DST: variants seen among roughly 807,000 people sequenced by gnomAD.
DST encodes dystonin, also known as bullous pemphigoid antigen.
DST carries 253 observed loss-of-function variants against 875.2 expected under a neutral mutation model. The observed-to-expected ratio is 0.29, with a 90% CI of 0.26 to 0.32. DST has a LOEUF of 0.32. Among genes scored for constraint, DST ranks in the 10% least tolerant of loss-of-function variants. The pLI, the probability that DST is intolerant of heterozygous loss-of-function variation, is 1.00. For missense variants in DST, 8,287 were observed against 9,111.6 expected (o/e 0.91, Z 3.68); for synonymous variants, 3,124 against 3,197.1 (o/e 0.98, Z 0.77).
chr6:56,508,669 C>T lies in DST; in HGVS notation c.19099G>A (p.Val6367Met), dbSNP rs1161189239. 1.2e-6 allele frequency: 2 copies of T among 1,613,882 alleles called. No individual in the cohort carries two copies. Among genetic ancestry groups the T allele is most frequent in the Admixed American group, 1.7e-5 (1 of 60,020 alleles). The change falls in exon 75 of 104, where the codon GTG becomes ATG. Residue 6367 changes from valine to methionine, a missense_variant. By Grantham distance (21) the Val-to-Met change is conservative. This residue lies in a region of DST where 1,292 missense variants were observed against 1,552.7 expected (regional missense o/e 0.83). Coordinates refer to ENST00000680361, the MANE Select transcript of DST (RefSeq NM_001374736.1). ...CAGAACTTTTCTGCTAGCTCCATCA[C>T]ATCCAGTAGTTTGGCTTCCCTCTCT... is the stretch of plus-strand genomic sequence containing the variant. ...VEEREAKLLD[V>M]MELAEKFWCD...
At chr6:56,489,456 T>C in intron 86 of DST, 34 bp downstream of exon 86, 3 of 1,592,790 alleles carry the variant, frequency 1.9e-6, no homozygotes, top group Non-Finnish European at 2.6e-6. Flanking sequence ...AACTATATAA[T>C]GAGACAATAT....
rs7760099 is a variant in DST, at chr6:56,617,838, G to C, written c.4930-3354C>G. On this transcript the variant is annotated intron_variant, in intron 36 of 103. Transcript: ENST00000680361. ...TGATAAAGATTCAAGTAAGTTACCA[G>C]AAAGAGTATAGCATTATTTTCCTGT... is the stretch of plus-strand genomic sequence containing the variant. 0.011 allele frequency: 7,481 copies of C among 688,782 alleles called. 316 individuals carry two copies. Among genetic ancestry groups the C allele is most frequent in the African/African-American group, 0.1 (5,723 of 55,202 alleles). The allele number at this position is 688,782 out of a possible 1,614,324, so 42.7% of individuals were successfully genotyped here.
intron 4 of DST, among the ~76,000 whole-genome samples, chr6:56,805,040 AATC>A (rs1452198431): frequency 2.2e-4 from 34 of 152,146 alleles, no homozygotes; most frequent in Non-Finnish European, 2.1e-4. Context: ...ATATTCTACA[AATC>A]ATCATTTATT....
At chr6:56,797,245 G>A (rs1742796067) in intron 4 of DST, among the ~76,000 whole-genome samples, 1 of 152,100 alleles carries the variant, frequency 6.6e-6, no homozygotes, top group Non-Finnish European at 1.5e-5. Flanking sequence ...TGTGTGTTCT[G>A]ACTGTTCCAA....
At chr6:56,799,699 G>A (rs1479481170) in intron 4 of DST, among the ~76,000 whole-genome samples, 1 of 151,360 alleles carries the variant, frequency 6.6e-6, no homozygotes, top group Non-Finnish European at 1.5e-5. Flanking sequence ...CCAGCTCACT[G>A]CAACCTCCAC....
At chr6:56,774,578 T>C (rs993601708) in intron 4 of DST, among the ~76,000 whole-genome samples, 1 of 152,232 alleles carries the variant, frequency 6.6e-6, no homozygotes, top group African/African-American at 2.4e-5. Flanking sequence ...GACATTTATA[T>C]TGTTCACTAA....
intron 36 of DST, among the ~76,000 whole-genome samples, chr6:56,623,797 A>C (rs894948777): frequency 2.0e-5 from 3 of 152,178 alleles, no homozygotes; most frequent in Non-Finnish European, 1.5e-5. Flanking sequence ...CTTTTAGATT[A>C]CATACAAGAG....
intron 53 of DST, among the ~76,000 whole-genome samples, chr6:56,570,462 C>T (rs536874524): frequency 2.6e-5 from 4 of 152,178 alleles, no homozygotes; most frequent in African/African-American, 7.2e-5. Flanking sequence ...GGAGCATGCA[C>T]CCTAGATCCC....
chr6:56,509,610 T>C, intron 74 of DST, 32 bp downstream of exon 74: 4 of 1,542,570 alleles, frequency 2.6e-6, no homozygotes, highest in Non-Finnish European at 3.6e-6. Flanking sequence ...TAGAATGCTT[T>C]AAAATTTGTT....
In DST at chr6:56,704,230, C is replaced by A. The variant is rs757044892; in HGVS notation, c.777+50G>T. 3 of 950,270 alleles carry A rather than the reference C, an allele frequency of 3.2e-6. No individual in the cohort carries two copies. The South Asian group carries it at 4.7e-5, about 15-fold the overall frequency. The allele number at this position is 950,270 out of a possible 1,614,324, so 58.9% of individuals were successfully genotyped here. A position where few individuals can be genotyped will look rare whatever the true frequency, so the allele number is the denominator to read the frequency against. On this transcript the variant is annotated intron_variant, in intron 6 of 103. Transcript: ENST00000680361. ...GTACTGAAAACATACTGGTCCTATG[C>A]AGAAAAGATTACACGTTCTTCAAAA...
Position 56,493,786 on chromosome 6 carries a change from T to C in DST, c.20394+224A>G, listed in dbSNP as rs557464159. 6.6e-5 allele frequency among the ~76,000 whole-genome samples: 10 copies of C among 152,316 alleles called. No homozygotes were observed. The South Asian group carries it at 2.1e-3, about 32-fold the overall frequency. ...ATAACTAAGTAACATTTGATCTATATATTTATCTATTTTTGAATATATCCC... is the reference window on the plus strand; with the variant it reads ...ATAACTAAGTAACATTTGATCTATACATTTATCTATTTTTGAATATATCCC... On this transcript the variant is annotated intron_variant, in intron 83 of 103. Coordinates refer to ENST00000680361, the MANE Select transcript of DST (RefSeq NM_001374736.1).
At chr6:56,820,961 G>C (rs2099772378) in intron 4 of DST, among the ~76,000 whole-genome samples, 1 of 152,146 alleles carries the variant, frequency 6.6e-6, no homozygotes, top group South Asian at 2.1e-4. Context: ...ACCAGACAGA[G>C]GCCTTGCCTT....
Position 56,608,878 on chromosome 6 carries a change from C to T in DST, c.5750G>A (p.Cys1917Tyr), listed in dbSNP as rs1345036801. The T allele has an allele frequency of 2.5e-6, 4 of 1,613,526 alleles. No homozygotes were observed. The highest frequency in any genetic ancestry group is 2.7e-5 in the African/African-American group (2 of 74,890). Residue 1917 changes from cysteine (C) to tyrosine (Y), a missense_variant, in exon 40 of 104, where the codon TGC (cysteine) becomes TAC (tyrosine). Coordinates refer to ENST00000680361, the MANE Select transcript of DST (RefSeq NM_001374736.1). The part of the protein sequence containing the change: ...FSKVLERQNM[C>Y]KDLIDPCTSE... ...GGTGCAGGGGTCAATAAGATCTTTGCACATATTTTGCCTTTCCAGAACTTT... is the reference window on the plus strand; with the variant it reads ...GGTGCAGGGGTCAATAAGATCTTTGTACATATTTTGCCTTTCCAGAACTTT...
intron 4 of DST, among the ~76,000 whole-genome samples, chr6:56,764,007 TAAGTA>T (rs1301096876): frequency 2.6e-5 from 4 of 151,778 alleles, no homozygotes; most frequent in Non-Finnish European, 5.9e-5. Context: ...GTCCAATAAT[TAAGTA>T]TAGTATTAAG....
At chr6:56,558,229 A>C (rs73746917) in intron 58 of DST, among the ~76,000 whole-genome samples, 2,814 of 152,196 alleles carry the variant, frequency 0.018, 78 homozygotes, top group African/African-American at 0.065. Flanking sequence ...GGCCTTCATC[A>C]TGTGTTTTTT....
chr6:56,765,495 G>A (rs866897730), intron 4 of DST, among the ~76,000 whole-genome samples: 2 of 152,168 alleles, frequency 1.3e-5, no homozygotes, highest in African/African-American at 2.4e-5. Flanking sequence ...AATAATGCAC[G>A]AAACATATGC....
rs759920900 is a variant in DST at position 56,648,711 on chromosome 6, A to C, written c.1435-22T>G. 12 of 1,542,612 alleles carry C rather than the reference A, an allele frequency of 7.8e-6. No individual in the cohort carries two copies. In the East Asian group the frequency reaches 2.4e-4, roughly 31 times the overall value. On this transcript the variant is annotated intron_variant, in intron 12 of 103. Coordinates refer to ENST00000680361, the MANE Select transcript of DST (RefSeq NM_001374736.1). ...CATCCTAGAACAATCAAATGATAGA[A>C]AAGGTTCACATCTGTAGATAATAAC...
intron 72 of DST, among the ~76,000 whole-genome samples, chr6:56,513,663 C>A (rs986300948): frequency 1.3e-5 from 2 of 152,120 alleles, no homozygotes; most frequent in African/African-American, 2.4e-5. Flanking sequence ...TGTGCCTGGC[C>A]GAGGAGCCTT....
chr6:56,470,991 G>A, intron 95 of DST, 115 bp downstream of exon 95: 1 of 1,153,576 alleles, frequency 8.7e-7, no homozygotes, highest in Non-Finnish European at 1.2e-6. Context: ...GACTTCCTAG[G>A]CAACTTATAA....
Sources: gnomAD v4.1 joint callset for allele counts (sites outside exome capture counted in the v4.1 genomes callset) on GRCh38, gnomAD v4.1.1 for gene constraint, gnomAD v4.1.1 regional missense constraint, MANE v1.5 for transcripts, NCBI Gene and HGNC (gene_info 2026-07-23, HGNC 2026-07-21) for gene names.